Variants in GPC5 observed in about 807,000 individuals in gnomAD.
GPC5 encodes the protein glypican-5.
Under a neutral mutation model 53.9 loss-of-function variants are expected in GPC5, and 47 were observed. The observed-to-expected ratio is 0.87, with a 90% CI of 0.69 to 1.11. GPC5 has a LOEUF of 1.11. GPC5 is among the 50% of genes most tolerant of loss of function. The probability of loss-of-function intolerance (pLI) is 0.00; values close to 1 mark genes in which losing one functional copy is unlikely to be tolerated. For synonymous variants in GPC5, 286 were observed against 263.3 expected, an observed-to-expected ratio of 1.09 and a Z score of -0.84; for missense variants, 748 against 713.1, an observed-to-expected ratio of 1.05 and a Z score of -0.56.
intron 7 of GPC5, among the ~76,000 whole-genome samples, chr13:92,365,555 T>A (rs917561645): frequency 5.3e-5 from 8 of 151,760 alleles, no homozygotes; most frequent in African/African-American, 1.9e-4. Context: ...TGACTCTTGT[T>A]ATAACACTTG....
chr13:91,964,435 A>T (rs537530970), intron 6 of GPC5, among the ~76,000 whole-genome samples: 3 of 152,162 alleles, frequency 2.0e-5, no homozygotes, highest in African/African-American at 7.2e-5. Context: ...CAGAGTGCTG[A>T]TTGGTCTGTT....
rs1357215551 is a variant in GPC5 at position 91,805,190 on chromosome 13, A to G, written c.1280+48770A>G. ...ACATTTTTAAAGAGTATAGCTTTAC[A>G]AACTCCTCCACGGCCAACCCTCAAG... On this transcript the variant is annotated intron_variant, in intron 5 of 7. Coordinates refer to ENST00000377067, the MANE Select transcript of GPC5 (RefSeq NM_004466.6). Among the ~76,000 whole-genome samples, 4 of 152,150 alleles carry G rather than the reference A, an allele frequency of 2.6e-5. No homozygotes were observed. In the East Asian group the frequency reaches 7.7e-4, roughly 29 times the overall value.
chr13:92,448,637 TTGA>T lies in GPC5; in HGVS notation c.1561+303652_1561+303654del, dbSNP rs1354179538. 3 of 152,202 alleles carry T rather than the reference TTGA, an allele frequency of 2.0e-5. No homozygotes were observed. In the East Asian group the frequency reaches 5.8e-4, roughly 29 times the overall value. 9.4% of individuals were successfully genotyped at this position (152,202 alleles called of 1,614,324 possible). A position where few individuals can be genotyped will look rare whatever the true frequency, so the allele number is the denominator to read the frequency against. ...TTCAGAAAAATACAGTAATGTTATC[TTGA>T]TGAGCATGGATTTGGACTCAGCATA... On this transcript the variant is annotated intron_variant, in intron 7 of 7. Coordinates refer to ENST00000377067, the MANE Select transcript of GPC5 (RefSeq NM_004466.6).
intron 7 of GPC5, among the ~76,000 whole-genome samples, chr13:92,344,938 A>G (rs1477126873): frequency 6.6e-6 from 1 of 152,226 alleles, no homozygotes; most frequent in African/African-American, 2.4e-5. Context: ...CAAAATCATG[A>G]GACATTTGAA....
chr13:91,936,927 T>G (rs2039876529), intron 6 of GPC5, among the ~76,000 whole-genome samples: 1 of 151,952 alleles, frequency 6.6e-6, no homozygotes. Flanking sequence ...ATTATGCATA[T>G]CTAAGTACTA....
At chr13:92,860,474 C>T (rs909475752) in intron 7 of GPC5, among the ~76,000 whole-genome samples, 3 of 152,188 alleles carry the variant, frequency 2.0e-5, no homozygotes, top group African/African-American at 7.2e-5. Context: ...ACTGGATGCA[C>T]CCACCAATCA....
intron 7 of GPC5, among the ~76,000 whole-genome samples, chr13:92,552,260 G>A (rs1303112229): frequency 1.3e-5 from 2 of 151,836 alleles, no homozygotes; most frequent in Admixed American, 1.3e-4. Flanking sequence ...AATACTGAGA[G>A]AAGTTAAGTT....
intron 6 of GPC5, among the ~76,000 whole-genome samples, chr13:92,015,002 G>A (rs973531056): frequency 6.6e-6 from 1 of 152,078 alleles, no homozygotes; most frequent in East Asian, 1.9e-4. Flanking sequence ...CAGTCACAGG[G>A]AGGTTCCTTA....
At chr13:92,594,146 C>T (rs1261360185) in intron 7 of GPC5, among the ~76,000 whole-genome samples, 1 of 152,100 alleles carries the variant, frequency 6.6e-6, no homozygotes, top group Non-Finnish European at 1.5e-5. Context: ...CTATTTACTG[C>T]TAAACCCCAA....
At chr13:92,679,082 C>A (rs1887037490) in intron 7 of GPC5, among the ~76,000 whole-genome samples, 1 of 152,134 alleles carries the variant, frequency 6.6e-6, no homozygotes, top group African/African-American at 2.4e-5. Flanking sequence ...TGTTAGATAT[C>A]TAAATCTGAG....
At chr13:92,226,076 C>T (rs2042483803) in intron 7 of GPC5, among the ~76,000 whole-genome samples, 1 of 152,138 alleles carries the variant, frequency 6.6e-6, no homozygotes, top group African/African-American at 2.4e-5. Context: ...GATCTGATGG[C>T]TTAAGAGTGT....
rs562633941 is a variant in GPC5, at chr13:92,078,664, A to G, written c.1402-66166A>G. On this transcript the variant is annotated intron_variant, in intron 6 of 7. Transcript: ENST00000377067. ...CTCTCTTTTATATTTTTATTCCTTC[A>G]TACACTGCTTCCAATACCTTCCTAC... 3.3e-5 allele frequency among the ~76,000 whole-genome samples: 5 copies of G among 152,098 alleles called. No homozygotes were observed. The South Asian group carries it at 8.3e-4, about 25-fold the overall frequency.
chr13:91,870,042 A>G (rs2039126954), intron 5 of GPC5, among the ~76,000 whole-genome samples: 1 of 152,190 alleles, frequency 6.6e-6, no homozygotes, highest in Non-Finnish European at 1.5e-5. Flanking sequence ...ATATTAGTAT[A>G]ACATGACTTT....
At chr13:91,795,913 A>G (rs564330177) in intron 5 of GPC5, among the ~76,000 whole-genome samples, 16 of 152,208 alleles carry the variant, frequency 1.1e-4, no homozygotes, top group Non-Finnish European at 2.2e-4. Context: ...AGTTTAAAAC[A>G]TAATGATTTC....
chr13:91,411,841 T>C (rs9589220), intron 1 of GPC5, among the ~76,000 whole-genome samples: 23,134 of 152,232 alleles, frequency 0.15, 2,429 homozygotes, highest in African/African-American at 0.3. Context: ...ACTTTAAATA[T>C]GTCAAGCCAC....
chr13:92,251,176 G>T (rs563976462), intron 7 of GPC5, among the ~76,000 whole-genome samples: 1 of 152,190 alleles, frequency 6.6e-6, no homozygotes, highest in East Asian at 1.9e-4. Context: ...GTTAAGGGTG[G>T]GATTGATGAT....
chr13:91,980,498 G>T (rs2040347042), intron 6 of GPC5, among the ~76,000 whole-genome samples: 2 of 151,858 alleles, frequency 1.3e-5, no homozygotes, highest in African/African-American at 4.8e-5. Flanking sequence ...CCAACTTCCA[G>T]TCAATACTTC....
rs5805763 is a variant in GPC5, at chr13:92,778,966, T to TACACACAC, written c.1562-87300_1562-87293dup. 1.3e-3 allele frequency among the ~76,000 whole-genome samples: 196 copies of TACACACAC among 149,412 alleles called. 1 individual carries two copies. Among genetic ancestry groups the TACACACAC allele is most frequent in the African/African-American group, 4.1e-3 (168 of 40,716 alleles). Reference sequence around the variant, plus strand: ...CTTGTGTATGAATATGTGCAAGATATACACACACACACACACACACACATA... The same window carrying TACACACAC: ...CTTGTGTATGAATATGTGCAAGATATACACACACACACACACACACACACACACACATA... On this transcript the variant is annotated intron_variant, in intron 7 of 7. Coordinates refer to ENST00000377067, the MANE Select transcript of GPC5 (RefSeq NM_004466.6).
At chr13:91,461,205 T>C (rs1881909215) in intron 2 of GPC5, among the ~76,000 whole-genome samples, 1 of 152,196 alleles carries the variant, frequency 6.6e-6, no homozygotes, top group Non-Finnish European at 1.5e-5. Context: ...TGTTTTCTTG[T>C]ACTCTTTATT....
Sources: gnomAD v4.1 joint callset for allele counts (sites outside exome capture counted in the v4.1 genomes callset) on GRCh38, gnomAD v4.1.1 for gene constraint, MANE v1.5 for transcripts, NCBI Gene and HGNC (gene_info 2026-07-23, HGNC 2026-07-21) for gene names.